The following SLC38A6 variants were observed in gnomAD, a reference collection of about 807,000 sequenced individuals.
SLC38A6 encodes solute carrier family 38 member 6, also known as N system amino acid transporter NAT-1.
A neutral mutation model predicts 65.0 loss-of-function variants in SLC38A6; 73 were observed. That is an observed-to-expected ratio of 1.12 (90% CI 0.93 to 1.37). The LOEUF (loss-of-function observed/expected upper bound fraction) is 1.37, where lower values mean the gene tolerates loss of function less well. Ranked by LOEUF, SLC38A6 falls within the 40% of genes most tolerant of loss-of-function variation. The pLI is 0.00. For missense variants in SLC38A6, 561 were observed against 531.1 expected, an observed-to-expected ratio of 1.06 and a Z score of -0.55; for synonymous variants, 183 against 178.8, an observed-to-expected ratio of 1.02 and a Z score of -0.19.
At chr14:60,982,139 C>G in intron 1 of SLC38A6, 1 of 460,252 alleles carries the variant, frequency 2.2e-6, no homozygotes, top group South Asian at 1.5e-5. Context: ...ACAGCAGTCC[C>G]AGGTTGACTC....
chr14:60,999,997 A>G (rs1056199135), intron 3 of SLC38A6, among the ~76,000 whole-genome samples: 1 of 152,260 alleles, frequency 6.6e-6, no homozygotes, highest in Non-Finnish European at 1.5e-5. Flanking sequence ...CACTACTTAC[A>G]TAATATAATG....
chr14:60,985,690 A>G (rs1566605063), intron 3 of SLC38A6, among the ~76,000 whole-genome samples: 1 of 152,236 alleles, frequency 6.6e-6, no homozygotes, highest in Non-Finnish European at 1.5e-5. Context: ...TAGTGTTTCT[A>G]TAAAAGAATA....
intron 3 of SLC38A6, among the ~76,000 whole-genome samples, chr14:60,995,464 A>G (rs1263133501): frequency 6.6e-6 from 1 of 152,248 alleles, no homozygotes; most frequent in South Asian, 2.1e-4. Context: ...GGGGATGGGA[A>G]GATGTTCATC....
At chr14:61,014,091 TC>T (rs1278862969) in intron 3 of SLC38A6, among the ~76,000 whole-genome samples, 1 of 152,214 alleles carries the variant, frequency 6.6e-6, no homozygotes, top group African/African-American at 2.4e-5. Context: ...TTCTTTTTAT[TC>T]TTTTTTCTCT....
chr14:61,050,425 TATC>T (rs2042439902), intron 12 of SLC38A6, 84 bp from the exon 13 acceptor site: 5 of 857,278 alleles, frequency 5.8e-6, no homozygotes, highest in Non-Finnish European at 3.2e-6. Context: ...TAAAATCTGT[TATC>T]ATCCATTAGT....
chr14:61,013,755 C>T (rs1566651157), intron 3 of SLC38A6, among the ~76,000 whole-genome samples: 1 of 152,224 alleles, frequency 6.6e-6, no homozygotes, highest in African/African-American at 2.4e-5. Context: ...AAGAGATCAG[C>T]TGTTAGTCTG....
rs74789070 is a variant in SLC38A6, at chr14:61,019,014, C to T, written c.364-527C>T. 9.8e-4 allele frequency among the ~76,000 whole-genome samples: 149 copies of T among 152,270 alleles called. No individual in the cohort carries two copies. In the Middle Eastern group the frequency reaches 0.014, roughly 14 times the overall value. On this transcript the variant is annotated intron_variant, in intron 4 of 15. Transcript: ENST00000267488. The stretch of plus-strand genomic sequence containing the variant: ...TTAATTCACATTATTGAGTTTGGAA[C>T]ATTTTGCCTATATTTTCAGGGTTTG...
Position 61,030,676 on chromosome 14 carries a change from A to G in SLC38A6, c.482+153A>G, listed in dbSNP as rs1415711528. 4 of 562,206 alleles carry G rather than the reference A, an allele frequency of 7.1e-6. No individual in the cohort carries two copies. In the East Asian group the frequency reaches 1.2e-4, roughly 17 times the overall value. 34.8% of individuals were successfully genotyped at this position (562,206 alleles called of 1,614,324 possible). A position where few individuals can be genotyped will look rare whatever the true frequency, so the allele number is the denominator to read the frequency against. ...AATTAGGCAGAAGTGAAGCAGTAAT[A>G]GAATAGAAACTACTCAGCCAATGTT... On this transcript the variant is annotated intron_variant, in intron 6 of 15. Coordinates refer to ENST00000267488, the MANE Select transcript of SLC38A6 (RefSeq NM_153811.3).
intron 15 of SLC38A6, among the ~76,000 whole-genome samples, chr14:61,068,200 C>T (rs1261459177): frequency 6.6e-6 from 1 of 152,090 alleles, no homozygotes; most frequent in Non-Finnish European, 1.5e-5. Context: ...CAAATCCATT[C>T]CTCACTACAG....
intron 5 of SLC38A6, among the ~76,000 whole-genome samples, chr14:61,022,505 G>C (rs1370552090): frequency 6.7e-6 from 1 of 149,896 alleles, no homozygotes; most frequent in Non-Finnish European, 1.5e-5. Flanking sequence ...TAATAAATAA[G>C]TTAATCGTAC....
In SLC38A6 at chr14:61,083,594, AC is replaced by A. The variant is rs766597518; in HGVS notation, c.1449del (p.His483GlnfsTer27). On this transcript the variant is annotated frameshift_variant, in exon 17 of 17. Coordinates refer to the SLC38A6 transcript ENST00000354886. LOFTEE classifies it low-confidence loss of function (END_TRUNC). ...GAGATGTGCACCCAGAGGAAAGGCC[AC>A]GCAAGGACACAGCAAGAAGGCAACT... 4.1e-4 allele frequency: 634 copies of A among 1,550,444 alleles called. 1 individual carries two copies. The highest frequency in any genetic ancestry group is 5.3e-4 in the Non-Finnish European group (605 of 1,146,978).
chr14:61,052,363 C>T lies in SLC38A6; in HGVS notation c.1305C>T (p.Leu435=), dbSNP rs1426965579. The change falls in exon 16 of 16, where the codon CTC becomes CTT. Residue 435 remains leucine (L), a synonymous_variant. Coordinates refer to ENST00000267488, the MANE Select transcript of SLC38A6 (RefSeq NM_153811.3). ...SWKKLGAFVL[L]IFGILVGNFS... The stretch of plus-strand genomic sequence containing the variant: ...TATTTCCACAGGCATTCGTTTTGCT[C>T]ATCTTTGGAATTTTGGTTGGGAATT... 21 of 1,589,610 alleles carry T rather than the reference C, an allele frequency of 1.3e-5. No individual in the cohort carries two copies. Among genetic ancestry groups the T allele is most frequent in the Non-Finnish European group, 1.8e-5 (21 of 1,169,888 alleles).
At chr14:61,015,609 A>G (rs765302007) in intron 3 of SLC38A6, among the ~76,000 whole-genome samples, 25 of 152,266 alleles carry the variant, frequency 1.6e-4, no homozygotes, top group Non-Finnish European at 2.8e-4. Context: ...TGTTTTACAA[A>G]GACATCTGAA....
Position 61,046,105 on chromosome 14 carries a change from C to CAAT in SLC38A6, c.864_866dup (p.Ile289dup). The CAAT allele has an allele frequency of 6.2e-7, 1 of 1,611,650 alleles. No homozygotes were observed. The highest frequency in any genetic ancestry group is 8.5e-7 in the Non-Finnish European group (1 of 1,178,354). On this transcript the variant is annotated inframe_insertion, in exon 12 of 16. Coordinates refer to ENST00000267488, the MANE Select transcript of SLC38A6 (RefSeq NM_153811.3). Reference sequence around the variant, plus strand: ...AGAATGCAGAATGTTACCAATACAGCAATTGCTTTAAGTTTTCTCATTTAT... The same window carrying CAAT: ...AGAATGCAGAATGTTACCAATACAGCAATAATTGCTTTAAGTTTTCTCATTTAT...
intron 10 of SLC38A6, 72 bp downstream of exon 10, chr14:61,043,575 G>A (rs190298004): frequency 1.9e-6 from 2 of 1,066,470 alleles, no homozygotes; most frequent in Non-Finnish European, 2.8e-6. Flanking sequence ...TGTGTAACAG[G>A]GTCTCTTAGG....
intron 8 of SLC38A6, among the ~76,000 whole-genome samples, chr14:61,040,725 T>G (rs1379688458): frequency 2.0e-5 from 3 of 151,938 alleles, no homozygotes; most frequent in African/African-American, 7.3e-5. Context: ...CAAGTGATCC[T>G]CCCACCTTGG....
chr14:61,070,768 A>G (rs1050077346), intron 15 of SLC38A6, among the ~76,000 whole-genome samples: 3 of 152,138 alleles, frequency 2.0e-5, no homozygotes, highest in African/African-American at 4.8e-5. Context: ...GTGAGGCAAT[A>G]TCTCATTGTG....
At chr14:61,025,699 A>T (rs1201941133) in intron 5 of SLC38A6, among the ~76,000 whole-genome samples, 1 of 152,186 alleles carries the variant, frequency 6.6e-6, no homozygotes, top group Non-Finnish European at 1.5e-5. Context: ...GATAAGACAA[A>T]GATATACATT....
intron 3 of SLC38A6, among the ~76,000 whole-genome samples, chr14:61,000,209 CAG>C (rs1369265880): frequency 6.6e-6 from 1 of 152,184 alleles, no homozygotes. Context: ...GCTTGACACA[CAG>C]AGAGTATTTA....
Sources: allele counts gnomAD v4.1 joint callset (sites outside exome capture counted in the v4.1 genomes callset), GRCh38; gene constraint gnomAD v4.1.1; transcripts MANE v1.5; gene names NCBI Gene and HGNC (gene_info 2026-07-23, HGNC 2026-07-21).